TBCA: variants seen among roughly 807,000 people sequenced by gnomAD.
TBCA encodes tubulin folding cofactor A.
Under a neutral mutation model 15.8 loss-of-function variants are expected in TBCA, and 6 were observed. The ratio of observed to expected loss-of-function variants is 0.38; its 90% CI spans 0.21 to 0.75. The LOEUF (loss-of-function observed/expected upper bound fraction) is 0.75, where lower values mean the gene tolerates loss of function less well. Among genes scored for constraint, TBCA ranks in the 30% least tolerant of loss-of-function variants. The pLI is 0.46. For synonymous variants in TBCA, 32 were observed against 42.3 expected (o/e 0.76, Z 0.94); for missense variants, 90 against 131.2 (o/e 0.69, Z 1.53).
intron 1 of TBCA, among the ~76,000 whole-genome samples, chr5:77,774,445 C>A (rs969586465): frequency 1.3e-5 from 2 of 152,094 alleles, no homozygotes; most frequent in African/African-American, 2.4e-5. Flanking sequence ...TACCTGGAGG[C>A]TTCATCTGCC....
intron 1 of TBCA, among the ~76,000 whole-genome samples, chr5:77,750,851 G>A (rs1747308536): frequency 6.6e-6 from 1 of 152,154 alleles, no homozygotes; most frequent in South Asian, 2.1e-4. Flanking sequence ...ATTTACATTG[G>A]TTTGATCTGG....
chr5:77,700,049 AAG>A (rs1745975947), intron 2 of TBCA, among the ~76,000 whole-genome samples: 2 of 150,696 alleles, frequency 1.3e-5, no homozygotes, highest in Non-Finnish European at 3.0e-5. Context: ...AAAAAAAAAA[AAG>A]AAAATTAGCC....
chr5:77,692,284 G>A, intron 3 of TBCA: 1 of 985,330 alleles, frequency 1.0e-6, no homozygotes, highest in Non-Finnish European at 1.2e-6. Flanking sequence ...AAACGACTGA[G>A]AATTTGCTTA....
intron 2 of TBCA, among the ~76,000 whole-genome samples, chr5:77,706,046 T>C (rs1233477566): frequency 2.0e-5 from 3 of 152,024 alleles, no homozygotes; most frequent in Non-Finnish European, 4.4e-5. Flanking sequence ...AGCCAACAGG[T>C]TGTTTCAGCT....
chr5:77,737,251 C>G (rs1411308542), intron 1 of TBCA, among the ~76,000 whole-genome samples: 1 of 152,064 alleles, frequency 6.6e-6, no homozygotes, highest in Non-Finnish European at 1.5e-5. Context: ...AAATTATGAA[C>G]CAAAGCTTTT....
At chr5:77,750,582 A>G (rs541503525) in intron 1 of TBCA, among the ~76,000 whole-genome samples, 1 of 152,360 alleles carries the variant, frequency 6.6e-6, no homozygotes, top group South Asian at 2.1e-4. Context: ...AATTAGTAGT[A>G]GCAAAAGAAG....
intron 1 of TBCA, among the ~76,000 whole-genome samples, chr5:77,763,431 T>C (rs1460067931): frequency 2.6e-5 from 4 of 152,068 alleles, no homozygotes; most frequent in Non-Finnish European, 4.4e-5. Context: ...AAGGGTACAA[T>C]CCCTTTGGAA....
rs529628202 is a variant in TBCA, at chr5:77,710,085, G to A, written c.54-1738C>T. 2.6e-5 allele frequency among the ~76,000 whole-genome samples: 4 copies of A among 152,278 alleles called. No individual in the cohort carries two copies. The East Asian group carries it at 7.7e-4, about 29-fold the overall frequency. On this transcript the variant is annotated intron_variant, in intron 1 of 3. Transcript: ENST00000380377. ...GAAACATGTTCTAAAAATGATTGTG[G>A]TGATAGTTGCACAACTCTGTGAATC...
chr5:77,705,229 T>C (rs1342501064), intron 2 of TBCA, among the ~76,000 whole-genome samples: 3 of 152,342 alleles, frequency 2.0e-5, no homozygotes, highest in Admixed American at 6.5e-5. Context: ...TCCATGTAAC[T>C]GATAACTCCT....
intron 1 of TBCA, among the ~76,000 whole-genome samples, chr5:77,731,382 C>A (rs1482342925): frequency 6.6e-6 from 1 of 152,178 alleles, no homozygotes; most frequent in Non-Finnish European, 1.5e-5. Flanking sequence ...GTTTCCTCAA[C>A]TGCAAAGCAA....
intron 2 of TBCA, among the ~76,000 whole-genome samples, chr5:77,700,074 G>T (rs1745976981): frequency 1.3e-5 from 2 of 150,418 alleles, no homozygotes; most frequent in South Asian, 4.2e-4. Flanking sequence ...ACATGGTGGT[G>T]CATGCCTGCA....
At chr5:77,755,530 A>T (rs920723564) in intron 1 of TBCA, among the ~76,000 whole-genome samples, 7 of 151,780 alleles carry the variant, frequency 4.6e-5, no homozygotes, top group African/African-American at 7.3e-5. Context: ...AGCCAAGATC[A>T]TGACACTGCA....
At chr5:77,717,919 C>T (rs546090139) in intron 1 of TBCA, among the ~76,000 whole-genome samples, 6 of 152,116 alleles carry the variant, frequency 3.9e-5, no homozygotes, top group Admixed American at 2.6e-4. Flanking sequence ...CACCTGAGGT[C>T]GGGAGTTCCA....
At chr5:77,698,866 G>A (rs2662355) in intron 2 of TBCA, among the ~76,000 whole-genome samples, 34,691 of 151,668 alleles carry the variant, frequency 0.23, 4,684 homozygotes, top group Non-Finnish European at 0.31. Flanking sequence ...ATGTAATTCA[G>A]GTCTGAGAAA....
At position 77,729,895 on chromosome 5, in the gene TBCA, ATT is replaced by A. The variant is rs1416175480; in HGVS notation, c.54-21550_54-21549del. Among the ~76,000 whole-genome samples, 3 of 152,262 alleles carry A rather than the reference ATT, an allele frequency of 2.0e-5. No homozygotes were observed. In the East Asian group the frequency reaches 5.8e-4, roughly 29 times the overall value. ...CTAGGACCCATTCTCTCTTTAAGAT[ATT>A]TTGTGTTTATTATGAGTTATCAAGT... On this transcript the variant is annotated intron_variant, in intron 1 of 3. Transcript: ENST00000380377.
intron 1 of TBCA, among the ~76,000 whole-genome samples, chr5:77,767,954 T>G (rs910726886): frequency 2.6e-5 from 4 of 152,196 alleles, no homozygotes; most frequent in African/African-American, 9.7e-5. Context: ...TCTCCTCCCT[T>G]GTGAATGGGA....
intron 1 of TBCA, among the ~76,000 whole-genome samples, chr5:77,725,519 A>G (rs1746613047): frequency 6.6e-6 from 1 of 152,228 alleles, no homozygotes; most frequent in African/African-American, 2.4e-5. Context: ...GTTTGAAAAT[A>G]TCGCTATTGA....
chr5:77,774,509 T>C (rs1298035873), intron 1 of TBCA, among the ~76,000 whole-genome samples: 1 of 152,200 alleles, frequency 6.6e-6, no homozygotes, highest in African/African-American at 2.4e-5. Context: ...ACACACTCCC[T>C]TGTATTGATT....
intron 1 of TBCA, among the ~76,000 whole-genome samples, chr5:77,763,349 G>T (rs895872088): frequency 1.3e-5 from 2 of 152,114 alleles, no homozygotes; most frequent in African/African-American, 2.4e-5. Context: ...GTAAAATTAA[G>T]AAGTCTATCA....
Sources: gnomAD v4.1 joint callset for allele counts (sites outside exome capture counted in the v4.1 genomes callset) on GRCh38, gnomAD v4.1.1 for gene constraint, MANE v1.5 for transcripts, NCBI Gene and HGNC (gene_info 2026-07-23, HGNC 2026-07-21) for gene names.